The following WDR49 variants were observed in gnomAD, a reference collection of about 807,000 sequenced individuals.
WDR49 encodes WD repeat domain 49.
In WDR49, 107 loss-of-function variants were observed where a neutral mutation model predicts 119.5. The observed-to-expected ratio is 0.90, with a 90% CI of 0.77 to 1.05. WDR49 has a LOEUF of 1.05. WDR49 is among the 50% of genes least tolerant of loss of function. WDR49 has a pLI of 0.00. For synonymous variants in WDR49, 425 were observed against 418.8 expected, an observed-to-expected ratio of 1.01 and a Z score of -0.18; for missense variants, 1,240 against 1,220.5, an observed-to-expected ratio of 1.02 and a Z score of -0.24.
At chr3:167,563,368 A>G (rs1713393401) in intron 8 of WDR49, among the ~76,000 whole-genome samples, 4 of 150,352 alleles carry the variant, frequency 2.7e-5, no homozygotes, top group Non-Finnish European at 5.9e-5. Flanking sequence ...AAAAAAAAAA[A>G]AAAAAAAAAG....
intron 7 of WDR49, among the ~76,000 whole-genome samples, 172 bp downstream of exon 7, chr3:167,601,955 A>G (rs527651268): frequency 6.6e-6 from 1 of 152,312 alleles, no homozygotes; most frequent in African/African-American, 2.4e-5. Context: ...ACTACTGTTA[A>G]GTAACCATCA....
At chr3:167,519,585 G>GA (rs1178642226) in intron 16 of WDR49, among the ~76,000 whole-genome samples, 1 of 151,842 alleles carries the variant, frequency 6.6e-6, no homozygotes, top group Non-Finnish European at 1.5e-5. Context: ...GCTGAACAAT[G>GA]AGAACACATG....
At chr3:167,652,992 A>T (rs894200713) in intron 2 of WDR49, among the ~76,000 whole-genome samples, 4 of 152,028 alleles carry the variant, frequency 2.6e-5, no homozygotes, top group Admixed American at 1.3e-4. Flanking sequence ...TAAGAAAAAA[A>T]TTTTTTCCAA....
intron 7 of WDR49, among the ~76,000 whole-genome samples, chr3:167,588,349 T>C (rs1476971353): frequency 1.3e-5 from 2 of 152,196 alleles, no homozygotes. Context: ...AATCCATTTA[T>C]CTTTTGATGG....
chr3:167,654,315 G>A (rs1718519717), upstream of WDR49, among the ~76,000 whole-genome samples: 1 of 151,732 alleles, frequency 6.6e-6, no homozygotes, highest in African/African-American at 2.4e-5. Flanking sequence ...TTTTGTCTTA[G>A]TTTCTATGTA....
intron 10 of WDR49, 35 bp from the exon 11 acceptor site, chr3:167,537,035 TA>T: frequency 6.5e-7 from 1 of 1,538,518 alleles, no homozygotes; most frequent in Non-Finnish European, 8.8e-7. Context: ...GCTGTGGATC[TA>T]AAATTGATGT....
chr3:167,555,322 T>C (rs1368683379), intron 9 of WDR49, among the ~76,000 whole-genome samples: 1 of 152,224 alleles, frequency 6.6e-6, no homozygotes, highest in Non-Finnish European at 1.5e-5. Context: ...AAGCCCACAA[T>C]GGAAGGGCTG....
intron 5 of WDR49, among the ~76,000 whole-genome samples, chr3:167,613,866 A>G (rs990398132): frequency 6.6e-6 from 1 of 150,436 alleles, no homozygotes; most frequent in African/African-American, 2.4e-5. Flanking sequence ...AATCGCTTGA[A>G]CCCAGGAGAC....
In WDR49 at chr3:167,579,964, A is replaced by T. The variant is rs148659585; in HGVS notation, c.1276-3813T>A. ...GAATACACATTGACAATAACTCCAC[A>T]GTACTGATGAACTATAATTTCTCCA... On this transcript the variant is annotated intron_variant, in intron 7 of 18. Transcript: ENST00000682715. Among the ~76,000 whole-genome samples, 326 of 152,222 alleles carry T rather than the reference A, an allele frequency of 2.1e-3. 2 individuals carry two copies. The highest frequency in any genetic ancestry group is 7.2e-3 in the African/African-American group (298 of 41,564).
chr3:167,525,208 G>C (rs1752591316), intron 15 of WDR49, among the ~76,000 whole-genome samples: 1 of 151,996 alleles, frequency 6.6e-6, no homozygotes, highest in Admixed American at 6.6e-5. Flanking sequence ...CTCTCTGCTT[G>C]TCTATTATTG....
chr3:167,514,359 G>C (rs1752108775), intron 16 of WDR49, among the ~76,000 whole-genome samples: 1 of 151,590 alleles, frequency 6.6e-6, no homozygotes, highest in South Asian at 2.1e-4. Flanking sequence ...ATGACTCCTG[G>C]GTAAGTAATG....
At chr3:167,558,782 A>C (rs1451706744) in intron 9 of WDR49, among the ~76,000 whole-genome samples, 1 of 152,174 alleles carries the variant, frequency 6.6e-6, no homozygotes, top group Admixed American at 6.5e-5. Context: ...TTCTATACCC[A>C]GTTACTTTCC....
At chr3:167,657,388 C>A (rs376340990), upstream of WDR49, among the ~76,000 whole-genome samples, 2 of 151,848 alleles carry the variant, frequency 1.3e-5, no homozygotes, top group South Asian at 4.2e-4. Context: ...CACAGTATAC[C>A]ATAATATAAT....
At chr3:167,657,783 T>C (rs1279278378), upstream of WDR49, among the ~76,000 whole-genome samples, 7 of 152,094 alleles carry the variant, frequency 4.6e-5, no homozygotes, top group Non-Finnish European at 1.0e-4. Flanking sequence ...CCTTCTCAAG[T>C]CCTCACTGCT....
intron 13 of WDR49, among the ~76,000 whole-genome samples, chr3:167,530,651 T>A (rs1485859802): frequency 6.6e-6 from 1 of 152,078 alleles, no homozygotes. Context: ...CAAATTCTGT[T>A]ACTGTTCTTA....
intron 18 of WDR49, among the ~76,000 whole-genome samples, chr3:167,498,642 C>CT (rs1330955224): frequency 6.6e-6 from 1 of 152,204 alleles, no homozygotes; most frequent in Admixed American, 6.5e-5. Context: ...TGCAGGTAGT[C>CT]TCTTAGGTTA....
intron 18 of WDR49, among the ~76,000 whole-genome samples, chr3:167,498,337 G>T (rs1489249820): frequency 6.6e-6 from 1 of 152,094 alleles, no homozygotes; most frequent in African/African-American, 2.4e-5. Context: ...ATGTATTAAT[G>T]TACACATATG....
chr3:167,563,312 C>G (rs571280676), intron 8 of WDR49, among the ~76,000 whole-genome samples: 1 of 147,388 alleles, frequency 6.8e-6, no homozygotes, highest in Non-Finnish European at 1.5e-5. Context: ...CAAGATAGCG[C>G]CACCGCACTC....
rs148626160 is a variant in WDR49, at chr3:167,489,846, C to T, written c.3031+10307G>A. 2.2e-3 allele frequency among the ~76,000 whole-genome samples: 332 copies of T among 152,274 alleles called. 2 individuals are homozygous for T. Among genetic ancestry groups the T allele is most frequent in the African/African-American group, 7.3e-3 (305 of 41,562 alleles). On this transcript the variant is annotated intron_variant, in intron 18 of 18. Transcript: ENST00000682715. ...ATTCTGAAAACTCCTTTCTAATTCACATTCTTCCTCCTATTCTGTGTCCTA... is the reference window on the plus strand; with the variant it reads ...ATTCTGAAAACTCCTTTCTAATTCATATTCTTCCTCCTATTCTGTGTCCTA...
Sources: gnomAD v4.1 joint callset for allele counts (sites outside exome capture counted in the v4.1 genomes callset) on GRCh38, gnomAD v4.1.1 for gene constraint, MANE v1.5 for transcripts, NCBI Gene and HGNC (gene_info 2026-07-23, HGNC 2026-07-21) for gene names.